SNTB1: variants seen among roughly 807,000 people sequenced by gnomAD.
SNTB1 encodes beta-1-syntrophin.
In SNTB1, 36 loss-of-function variants were observed where a neutral mutation model predicts 48.9. That is an observed-to-expected ratio of 0.74 (90% CI 0.56 to 0.97). SNTB1 has a LOEUF of 0.97. Ranked by LOEUF, SNTB1 falls within the 50% of genes least tolerant of loss-of-function variation. The pLI is 0.00. For synonymous variants in SNTB1, 299 were observed against 294.6 expected (o/e 1.01, Z -0.15); for missense variants, 786 against 703.4 (o/e 1.12, Z -1.33).
At chr8:120,698,921 A>C (rs1334939233) in intron 1 of SNTB1, among the ~76,000 whole-genome samples, 1 of 152,238 alleles carries the variant, frequency 6.6e-6, no homozygotes. Context: ...AATTCAGGGA[A>C]GGGAAGGTGT....
intron 1 of SNTB1, among the ~76,000 whole-genome samples, chr8:120,742,861 G>A (rs1758308575): frequency 6.6e-6 from 1 of 152,170 alleles, no homozygotes; most frequent in African/African-American, 2.4e-5. Context: ...GGGGAGGACA[G>A]ATCAACTCAC....
At chr8:120,684,325 T>C (rs1195790013) in intron 2 of SNTB1, among the ~76,000 whole-genome samples, 1 of 152,220 alleles carries the variant, frequency 6.6e-6, no homozygotes, top group East Asian at 1.9e-4. Flanking sequence ...GTCCCTAGCA[T>C]GCCCAAATTC....
intron 1 of SNTB1, among the ~76,000 whole-genome samples, chr8:120,772,881 T>C (rs1373999480): frequency 1.3e-5 from 2 of 152,036 alleles, no homozygotes; most frequent in African/African-American, 4.8e-5. Context: ...GATGCTGCCA[T>C]GAGAGGCAAC....
intron 4 of SNTB1, among the ~76,000 whole-genome samples, chr8:120,562,419 C>A (rs1815675794): frequency 6.6e-6 from 1 of 152,140 alleles, no homozygotes; most frequent in Non-Finnish European, 1.5e-5. Flanking sequence ...TCCCACCCAC[C>A]ACTCCTGAGG....
chr8:120,564,366 A>G (rs968041957), intron 4 of SNTB1, among the ~76,000 whole-genome samples: 6 of 149,858 alleles, frequency 4.0e-5, no homozygotes, highest in Non-Finnish European at 8.9e-5. Context: ...ACATTAAAAT[A>G]GGGCAGCCGT....
intron 2 of SNTB1, among the ~76,000 whole-genome samples, chr8:120,691,370 C>G (rs746415930): frequency 6.6e-6 from 1 of 152,148 alleles, no homozygotes; most frequent in Non-Finnish European, 1.5e-5. Context: ...GACTATATAA[C>G]AGCTATATAA....
intron 2 of SNTB1, 41 bp downstream of exon 2, chr8:120,693,651 A>C: frequency 3.8e-6 from 6 of 1,565,236 alleles, no homozygotes; most frequent in Non-Finnish European, 5.3e-6. Flanking sequence ...TGAGAGGCCG[A>C]GGAGCTGCTT....
At chr8:120,567,432 T>G (rs979187482) in intron 4 of SNTB1, among the ~76,000 whole-genome samples, 1 of 151,172 alleles carries the variant, frequency 6.6e-6, no homozygotes, top group Non-Finnish European at 1.5e-5. Flanking sequence ...TTTTTTTTTT[T>G]TTAAAGAGAC....
intron 3 of SNTB1, among the ~76,000 whole-genome samples, chr8:120,609,865 C>T (rs1276429428): frequency 2.0e-5 from 3 of 152,076 alleles, no homozygotes; most frequent in East Asian, 1.9e-4. Context: ...TGTAAGAGAC[C>T]GTGGCCCAAC....
chr8:120,700,890 A>C (rs2129887385), intron 1 of SNTB1, among the ~76,000 whole-genome samples: 1 of 152,360 alleles, frequency 6.6e-6, no homozygotes, highest in African/African-American at 2.4e-5. Flanking sequence ...TTTTCTTAAA[A>C]ATAACAACAA....
chr8:120,597,514 C>G (rs1348877370), intron 3 of SNTB1, among the ~76,000 whole-genome samples: 1 of 152,184 alleles, frequency 6.6e-6, no homozygotes, highest in Non-Finnish European at 1.5e-5. Flanking sequence ...TTTCATAGGA[C>G]AGCAGTTTTT....
At chr8:120,776,877 AG>A (rs1308789166) in intron 1 of SNTB1, 3 of 152,252 alleles carry the variant, frequency 2.0e-5, no homozygotes, top group African/African-American at 7.2e-5. Context: ...AGGTGGCAAC[AG>A]GGTTCTCTAA....
At chr8:120,621,821 A>G (rs1218844535) in intron 3 of SNTB1, among the ~76,000 whole-genome samples, 1 of 151,918 alleles carries the variant, frequency 6.6e-6, no homozygotes, top group South Asian at 2.1e-4. Context: ...ATTTTTCCAG[A>G]GATCTCCTCC....
intron 4 of SNTB1, among the ~76,000 whole-genome samples, chr8:120,559,500 A>G (rs1815618300): frequency 1.3e-5 from 2 of 152,218 alleles, no homozygotes; most frequent in Admixed American, 1.3e-4. Context: ...AACTGGCTGC[A>G]TGATAGGACC....
intron 2 of SNTB1, among the ~76,000 whole-genome samples, chr8:120,668,130 A>C (rs1215579085): frequency 6.6e-6 from 1 of 152,188 alleles, no homozygotes; most frequent in Non-Finnish European, 1.5e-5. Context: ...CCTTGTGAAC[A>C]GTGGCTGTTT....
intron 4 of SNTB1, among the ~76,000 whole-genome samples, chr8:120,564,118 A>C (rs1201426241): frequency 2.0e-5 from 3 of 151,954 alleles, no homozygotes; most frequent in Admixed American, 6.6e-5. Flanking sequence ...CAAACAAAAA[A>C]AAAAAAAAAG....
chr8:120,738,885 C>T (rs2129998908), intron 1 of SNTB1, among the ~76,000 whole-genome samples: 2 of 152,314 alleles, frequency 1.3e-5, no homozygotes, highest in African/African-American at 4.8e-5. Flanking sequence ...ATTCCTGACT[C>T]TATTCTCTGC....
intron 2 of SNTB1, among the ~76,000 whole-genome samples, chr8:120,688,252 C>T (rs751593220): frequency 4.6e-5 from 7 of 152,174 alleles, no homozygotes; most frequent in South Asian, 4.1e-4. Flanking sequence ...CAGCTGCTCA[C>T]GATCCAGTGA....
chr8:120,600,667 A>G (rs1321781849), intron 3 of SNTB1, among the ~76,000 whole-genome samples: 2 of 152,062 alleles, frequency 1.3e-5, no homozygotes, highest in African/African-American at 4.8e-5. Context: ...TCTATAATCT[A>G]TCTTGGTCAG....
Sources: allele counts gnomAD v4.1 joint callset (sites outside exome capture counted in the v4.1 genomes callset), GRCh38; gene constraint gnomAD v4.1.1; transcripts MANE v1.5; gene names NCBI Gene and HGNC (gene_info 2026-07-23, HGNC 2026-07-21).